The following IQUB variants were observed in gnomAD, a reference collection of about 807,000 sequenced individuals.
IQUB encodes the protein IQ motif and ubiquitin domain containing.
In IQUB, 86 loss-of-function variants were observed where a neutral mutation model predicts 86.4. That is an observed-to-expected ratio of 1.00 (90% CI 0.84 to 1.19). IQUB has a LOEUF of 1.19. IQUB is among the 50% of genes most tolerant of loss of function. The probability of loss-of-function intolerance (pLI) is 0.00; values close to 1 mark genes in which losing one functional copy is unlikely to be tolerated. For synonymous variants in IQUB, 289 were observed against 304.5 expected, an observed-to-expected ratio of 0.95 and a Z score of 0.53; for missense variants, 946 against 916.9, an observed-to-expected ratio of 1.03 and a Z score of -0.41.
Position 123,469,246 on chromosome 7 carries a change from C to T in IQUB, c.1549G>A (p.Asp517Asn), listed in dbSNP as rs757720186. 2 of 1,601,568 alleles carry T rather than the reference C, an allele frequency of 1.2e-6. No individual in the cohort carries two copies. Among genetic ancestry groups the T allele is most frequent in the East Asian group, 2.3e-5 (1 of 44,420 alleles). The change falls in exon 9 of 13, where the codon GAT (aspartate) becomes AAT (asparagine). Residue 517 changes from aspartate (D) to asparagine (N), a missense_variant. Coordinates refer to ENST00000324698, the MANE Select transcript of IQUB (RefSeq NM_178827.5). ...LKNISQDERL[D>N]VLLTLKHTVK... Reference sequence around the variant, plus strand: ...GTGTGTTTAAGAGTTAACAGCACATCCAGCCTCTCATCTTGGGAGATATTT... The same window carrying T: ...GTGTGTTTAAGAGTTAACAGCACATTCAGCCTCTCATCTTGGGAGATATTT...
At chr7:123,529,724 TAAAAAAAAA>T (rs753026777) in intron 1 of IQUB, among the ~76,000 whole-genome samples, 1,045 of 35,830 alleles carry the variant, frequency 0.029, 17 homozygotes, top group Middle Eastern at 0.068. Context: ...TGTCTCTACT[TAAAAAAAAA>T]AAAAAAAAAA....
intron 1 of IQUB, among the ~76,000 whole-genome samples, chr7:123,527,340 T>G (rs558752805): frequency 6.6e-6 from 1 of 152,140 alleles, no homozygotes; most frequent in Non-Finnish European, 1.5e-5. Flanking sequence ...CCATCCAGCT[T>G]TGTTCTGTTG....
intron 12 of IQUB, 91 bp from the exon 13 acceptor site, chr7:123,453,016 A>G: frequency 2.2e-6 from 2 of 905,830 alleles, no homozygotes; most frequent in East Asian, 2.7e-5. Flanking sequence ...TTGCTTGTCA[A>G]TTCTTTCATC....
intron 8 of IQUB, among the ~76,000 whole-genome samples, chr7:123,475,094 T>C (rs1794690420): frequency 1.3e-5 from 2 of 152,198 alleles, no homozygotes; most frequent in African/African-American, 4.8e-5. Context: ...TTCCTTTATT[T>C]AGTCACATAA....
intron 1 of IQUB, among the ~76,000 whole-genome samples, chr7:123,528,755 G>A (rs945669812): frequency 2.6e-5 from 4 of 152,198 alleles, no homozygotes; most frequent in African/African-American, 7.2e-5. Context: ...TATTATCAGA[G>A]AATGTCTTTT....
chr7:123,472,309 T>C (rs1346149153), intron 8 of IQUB, among the ~76,000 whole-genome samples: 1 of 152,082 alleles, frequency 6.6e-6, no homozygotes, highest in Non-Finnish European at 1.5e-5. Flanking sequence ...TCTCATGTAG[T>C]TCTATATATC....
intron 9 of IQUB, among the ~76,000 whole-genome samples, chr7:123,467,197 G>A (rs1794302811): frequency 6.6e-6 from 1 of 151,900 alleles, no homozygotes; most frequent in Non-Finnish European, 1.5e-5. Context: ...GCTATAAAAT[G>A]CAAGAGCTAT....
chr7:123,522,400 G>C (rs893488660), intron 1 of IQUB, among the ~76,000 whole-genome samples: 1 of 152,174 alleles, frequency 6.6e-6, no homozygotes, highest in Non-Finnish European at 1.5e-5. Flanking sequence ...ACCCCTCACA[G>C]TTCCTGATAC....
Position 123,464,827 on chromosome 7 carries a change from G to GA in IQUB, c.1758+5dup. The GA allele has an allele frequency of 6.6e-7, 1 of 1,519,448 alleles. No homozygotes were observed. Among genetic ancestry groups the GA allele is most frequent in the Non-Finnish European group, 8.9e-7 (1 of 1,124,556 alleles). 94.1% of individuals were successfully genotyped at this position (1,519,448 alleles called of 1,614,324 possible). A position where few individuals can be genotyped will look rare whatever the true frequency, so the allele number is the denominator to read the frequency against. ...AAACAGGAATATAGAGAAAAATGTA[G>GA]AATACCTTAAGGTATTTTGCAACTT... On this transcript the variant is annotated splice_donor_region_variant and intron_variant, in intron 10 of 12. Transcript: ENST00000324698.
chr7:123,522,073 A>G (rs1312099980), intron 1 of IQUB, among the ~76,000 whole-genome samples: 2 of 152,166 alleles, frequency 1.3e-5, no homozygotes, highest in Non-Finnish European at 2.9e-5. Context: ...TGGGTGTGAC[A>G]AAAATGCAAG....
In IQUB at chr7:123,509,891, C is replaced by T; in HGVS notation, c.532+10G>A. ...AAGTCTTGATATGTTTTATTAGCCT[C>T]CAAACTTACCTGAGTATCTTATCTG... On this transcript the variant is annotated intron_variant, in intron 3 of 12. Coordinates refer to ENST00000324698, the MANE Select transcript of IQUB (RefSeq NM_178827.5). 1.3e-6 allele frequency: 2 copies of T among 1,594,686 alleles called. No individual in the cohort carries two copies. Among genetic ancestry groups the T allele is most frequent in the East Asian group, 2.2e-5 (1 of 44,544 alleles).
chr7:123,529,218 T>C (rs1308284160), intron 1 of IQUB, among the ~76,000 whole-genome samples: 2 of 152,152 alleles, frequency 1.3e-5, no homozygotes, highest in African/African-American at 4.8e-5. Context: ...GAATTGTCTA[T>C]AAAGCTACAA....
At chr7:123,489,377 A>G (rs1039667196) in intron 7 of IQUB, among the ~76,000 whole-genome samples, 2 of 152,302 alleles carry the variant, frequency 1.3e-5, no homozygotes, top group African/African-American at 2.4e-5. Flanking sequence ...AGTCATTTAC[A>G]ATATGTAATA....
chr7:123,471,442 A>G (rs1478503644), intron 8 of IQUB, among the ~76,000 whole-genome samples: 1 of 152,204 alleles, frequency 6.6e-6, no homozygotes, highest in African/African-American at 2.4e-5. Flanking sequence ...ATCTTTGCAT[A>G]CAATTTTCCT....
Position 123,452,759 on chromosome 7 carries a change from T to C in IQUB, c.2360A>G (p.Gln787Arg). 1 of 1,612,464 alleles carries C rather than the reference T, an allele frequency of 6.2e-7. No homozygotes were observed. Among genetic ancestry groups the C allele is most frequent in the South Asian group, 1.1e-5 (1 of 90,902 alleles). Residue 787 changes from glutamine to arginine, a missense_variant, in exon 13 of 13, where the codon CAG becomes CGG. Physicochemically the swap from Gln to Arg is conservative, Grantham distance 43. Coordinates refer to ENST00000324698, the MANE Select transcript of IQUB (RefSeq NM_178827.5). ...CTGGATCACCTAATGAGGAGGCCTC[T>C]GGGATTCTATAATCTTAGGTGTTGT... ...SDTTPKIIES[Q>R]RPPH
intron 7 of IQUB, among the ~76,000 whole-genome samples, chr7:123,482,519 G>C (rs1388301130): frequency 6.6e-6 from 1 of 151,882 alleles, no homozygotes; most frequent in Non-Finnish European, 1.5e-5. Flanking sequence ...TATTCCAATT[G>C]CTTGTTAATT....
chr7:123,452,961 C>T, intron 12 of IQUB, 36 bp from the exon 13 acceptor site: 6 of 1,536,018 alleles, frequency 3.9e-6, no homozygotes, highest in Non-Finnish European at 5.3e-6. Context: ...GTAAATATCA[C>T]AGATATATTT....
chr7:123,466,010 T>C (rs995438769), intron 9 of IQUB, among the ~76,000 whole-genome samples: 9 of 152,110 alleles, frequency 5.9e-5, no homozygotes, highest in Non-Finnish European at 1.3e-4. Flanking sequence ...ATAACACCTA[T>C]TATTTATTGA....
chr7:123,480,789 A>G (rs1794969922), intron 7 of IQUB, among the ~76,000 whole-genome samples: 1 of 152,140 alleles, frequency 6.6e-6, no homozygotes, highest in East Asian at 1.9e-4. Flanking sequence ...TTATAGTCAC[A>G]AATGTTATAA....
Sources: gnomAD v4.1 joint callset for allele counts (sites outside exome capture counted in the v4.1 genomes callset) on GRCh38, gnomAD v4.1.1 for gene constraint, MANE v1.5 for transcripts, NCBI Gene and HGNC (gene_info 2026-07-23, HGNC 2026-07-21) for gene names.